CRIPTO: variants seen among roughly 807,000 people sequenced by gnomAD.
CRIPTO encodes the protein cripto, EGF-CFC family member.
At chr3:46,579,174 A>C in the CRIPTO span, 1 of 1,613,854 alleles carries the variant, frequency 6.2e-7, no homozygotes, top group Non-Finnish European at 8.5e-7. Context: ...TCTTTTGATC[A>C]CTCTCAATTT....
chr3:46,579,554 G>A, the CRIPTO span: 1 of 1,214,552 alleles, frequency 8.2e-7, no homozygotes, highest in South Asian at 1.3e-5. Context: ...TTCCTCCCCT[G>A]AGTCCACTTC....
At chr3:46,582,430 T>A in the CRIPTO span, 1 of 152,210 alleles carries the variant, frequency 6.6e-6, no homozygotes, top group Non-Finnish European at 1.5e-5. Context: ...TATATGTGTA[T>A]GCACAGTAAA....
At chr3:46,575,988 T>C in the CRIPTO span, among the ~76,000 whole-genome samples, 1 of 152,134 alleles carries the variant, frequency 6.6e-6, no homozygotes, top group Non-Finnish European at 1.5e-5. Context: ...CATGTTCCCC[T>C]GTCCCCTGTG....
At chr3:46,577,622 T>C in the CRIPTO span, 1 of 390,552 alleles carries the variant, frequency 2.6e-6, no homozygotes. Flanking sequence ...ACCACAGTTT[T>C]ACAAGACTCC....
the CRIPTO span, among the ~76,000 whole-genome samples, chr3:46,578,366 CAAA>C: frequency 1.6e-3 from 217 of 138,234 alleles, no homozygotes; most frequent in Middle Eastern, 7.6e-3. Context: ...AAGATAATAG[CAAA>C]AAAAAAAAAA....
At chr3:46,576,880 A>G in the CRIPTO span, among the ~76,000 whole-genome samples, 39 of 152,044 alleles carry the variant, frequency 2.6e-4, 1 homozygote, top group Middle Eastern at 6.8e-3. Flanking sequence ...GAACCACTCA[A>G]TAAACACGTT....
the CRIPTO span, chr3:46,579,092 T>C: frequency 6.2e-7 from 1 of 1,614,222 alleles, no homozygotes. Context: ...TTCCTCTTCC[T>C]AGTGTGATTT....
the CRIPTO span, chr3:46,577,748 T>A: frequency 0.23 from 134,056 of 586,454 alleles, 16,877 homozygotes; most frequent in South Asian, 0.29. Context: ...AGGCTGAGTC[T>A]CCAGCTCAAG....
At chr3:46,577,700 G>T in the CRIPTO span, 3 of 457,530 alleles carry the variant, frequency 6.6e-6, no homozygotes, top group Non-Finnish European at 8.1e-6. Context: ...TCCCCGCCCC[G>T]ACTGGGGTTT....
At chr3:46,576,717 C>T in the CRIPTO span, among the ~76,000 whole-genome samples, 1 of 152,102 alleles carries the variant, frequency 6.6e-6, no homozygotes, top group African/African-American at 2.4e-5. Flanking sequence ...TCAGGCTTTC[C>T]TTTAGAAATT....
At chr3:46,578,602 T>C in the CRIPTO span, among the ~76,000 whole-genome samples, 4 of 151,954 alleles carry the variant, frequency 2.6e-5, no homozygotes, top group African/African-American at 9.7e-5. Context: ...CCAGCTACTC[T>C]GGAGGCTGAG....
chr3:46,575,660 A>G, the CRIPTO span, among the ~76,000 whole-genome samples: 1 of 152,250 alleles, frequency 6.6e-6, no homozygotes. Context: ...AGCTCTAAAA[A>G]TTCCACAAGA....
the CRIPTO span, chr3:46,582,269 G>A: frequency 1.1e-3 from 170 of 152,186 alleles, no homozygotes; most frequent in African/African-American, 3.9e-3. Context: ...ATACCTCAAT[G>A]TCCCCAACAA....
the CRIPTO span, chr3:46,581,551 C>G: frequency 4.4e-5 from 26 of 596,576 alleles, no homozygotes; most frequent in Middle Eastern, 4.4e-4. Context: ...ACTCTGTCAC[C>G]CAGGCTGGAC....
the CRIPTO span, chr3:46,581,204 C>T: frequency 6.2e-7 from 1 of 1,614,206 alleles, no homozygotes; most frequent in Non-Finnish European, 8.5e-7. Context: ...CGTACTACCA[C>T]TTTTATGCTA....
chr3:46,577,733 C>G, the CRIPTO span: 3 of 575,650 alleles, frequency 5.2e-6, no homozygotes, highest in Non-Finnish European at 9.3e-6. Context: ...GGAGAATCCC[C>G]GGAAAGGCTG....
chr3:46,579,311 G>C, the CRIPTO span: 2 of 1,614,146 alleles, frequency 1.2e-6, no homozygotes, highest in Non-Finnish European at 1.7e-6. Context: ...CCCAGGAGGA[G>C]CCTGCAATTC....
At chr3:46,574,966 T>C in the CRIPTO span, among the ~76,000 whole-genome samples, 8 of 152,232 alleles carry the variant, frequency 5.3e-5, no homozygotes, top group Non-Finnish European at 1.2e-4. Context: ...TTGTTTTTCA[T>C]TTTCTGCTCT....
chr3:46,581,623 C>A, the CRIPTO span: 1 of 543,528 alleles, frequency 1.8e-6, no homozygotes, highest in Non-Finnish European at 3.2e-6. Flanking sequence ...CATTCTCCTG[C>A]CTCAGCCTCC....
Sources: allele counts gnomAD v4.1 joint callset (sites outside exome capture counted in the v4.1 genomes callset), GRCh38; gene constraint gnomAD v4.1.1; transcripts MANE v1.5; gene names NCBI Gene and HGNC (gene_info 2026-07-23, HGNC 2026-07-21).